The following OSBPL6 variants were observed in gnomAD, a reference collection of about 807,000 sequenced individuals.
OSBPL6 encodes oxysterol binding protein like 6.
Under a neutral mutation model 125.8 loss-of-function variants are expected in OSBPL6, and 49 were observed. The ratio of observed to expected loss-of-function variants is 0.39; its 90% CI spans 0.31 to 0.49. The LOEUF (loss-of-function observed/expected upper bound fraction) is 0.49, where lower values mean the gene tolerates loss of function less well. OSBPL6 is among the 20% of genes least tolerant of loss of function. The pLI is 0.88. For synonymous variants in OSBPL6, 394 were observed against 391.8 expected, an observed-to-expected ratio of 1.01 and a Z score of -0.07; for missense variants, 986 against 1,135.4, an observed-to-expected ratio of 0.87 and a Z score of 1.89.
chr2:178,377,151 G>A (rs996187308), intron 15 of OSBPL6, among the ~76,000 whole-genome samples: 3 of 152,306 alleles, frequency 2.0e-5, no homozygotes, highest in Admixed American at 1.3e-4. Context: ...AAGGAAACAG[G>A]TTTCATTGGC....
intron 13 of OSBPL6, 76 bp from the exon 14 acceptor site, chr2:178,372,050 T>A: frequency 9.1e-7 from 1 of 1,100,620 alleles, no homozygotes; most frequent in Non-Finnish European, 1.4e-6. Context: ...ATTGTCTAAC[T>A]TGTACCTGTG....
intron 13 of OSBPL6, among the ~76,000 whole-genome samples, chr2:178,362,532 A>G (rs1173162244): frequency 1.3e-5 from 2 of 152,164 alleles, no homozygotes; most frequent in Non-Finnish European, 2.9e-5. Context: ...TAAGAATTCA[A>G]TGTCGTTATG....
Position 178,396,799 on chromosome 2 carries a change from C to G in OSBPL6, c.*1240C>G, listed in dbSNP as rs1695871107. 1 of 152,182 alleles carries G rather than the reference C, an allele frequency of 6.6e-6. No homozygotes were observed. The highest frequency in any genetic ancestry group is 2.1e-4 in the South Asian group (1 of 4,828). The allele number at this position is 152,182 out of a possible 1,614,324, so 9.4% of individuals were successfully genotyped here. ...GCTAAGGAATGTATCCATCCCAAAG[C>G]AGGAAAGCAGAAGTGTGTTTTGCAT... On this transcript the variant is annotated 3_prime_UTR_variant, in exon 25 of 25. Coordinates refer to ENST00000190611, the MANE Select transcript of OSBPL6 (RefSeq NM_032523.4).
intron 7 of OSBPL6, 45 bp from the exon 8 acceptor site, chr2:178,332,826 G>T (rs1689333053): frequency 6.2e-7 from 1 of 1,608,156 alleles, no homozygotes; most frequent in South Asian, 1.1e-5. Context: ...TGGTAGGCAG[G>T]AGAGTTATTT....
chr2:178,395,091 A>G (rs1695735553), intron 24 of OSBPL6, among the ~76,000 whole-genome samples: 1 of 152,212 alleles, frequency 6.6e-6, no homozygotes, highest in Middle Eastern at 3.4e-3. Context: ...AGCTACTGAT[A>G]TTGCATACTT....
In OSBPL6 at chr2:178,339,747, A is replaced by G; in HGVS notation, c.970A>G (p.Thr324Ala). 6.2e-7 allele frequency: 1 copy of G among 1,603,516 alleles called. No homozygotes were observed. The highest frequency in any genetic ancestry group is 8.5e-7 in the Non-Finnish European group (1 of 1,175,538). Reference protein sequence around the residue: ...RWRTKSVSKDTKIQLQVPFSA... With the variant: ...RWRTKSVSKDAKIQLQVPFSA... ...GAGAACAAAAAGTGTCAGCAAAGAT[A>G]CAAAAATACAACTGCAGGTACAGAT... The change falls in exon 11 of 25, where the codon ACA becomes GCA. Residue 324 changes from threonine (T) to alanine (A), a missense_variant. Physicochemically the swap from Thr to Ala is moderately conservative, Grantham distance 58. Transcript: ENST00000190611.
At chr2:178,296,405 C>T (rs546173921) in intron 2 of OSBPL6, among the ~76,000 whole-genome samples, 9 of 152,014 alleles carry the variant, frequency 5.9e-5, no homozygotes, top group Non-Finnish European at 1.0e-4. Flanking sequence ...TAGGAAATGG[C>T]GGTGTTGGGA....
At chr2:178,197,975 G>A (rs1161942654) in intron 1 of OSBPL6, among the ~76,000 whole-genome samples, 1 of 152,234 alleles carries the variant, frequency 6.6e-6, no homozygotes, top group Non-Finnish European at 1.5e-5. Context: ...GGTTGAGCAG[G>A]AAGTGGTCAT....
rs1432463427 is a variant in OSBPL6, at chr2:178,398,872, G to A, written c.*3313G>A. ...TTAGGGAGGAAAACCTGATTAAACT[G>A]TTTTGCTTAGTACTGGTTACAGCTG... On this transcript the variant is annotated 3_prime_UTR_variant, in exon 25 of 25. Coordinates refer to ENST00000190611, the MANE Select transcript of OSBPL6 (RefSeq NM_032523.4). The A allele has an allele frequency of 1.3e-5, 2 of 152,112 alleles. No homozygotes were observed. The highest frequency in any genetic ancestry group is 2.9e-5 in the Non-Finnish European group (2 of 68,028). The allele number at this position is 152,112 out of a possible 1,614,324, so 9.4% of individuals were successfully genotyped here. A position where few individuals can be genotyped will look rare whatever the true frequency, so the allele number is the denominator to read the frequency against.
rs533143881 is a variant in OSBPL6, at chr2:178,286,339, C to T, written c.-156+1218C>T. ...CAGATTATGGCACCTGCCTGGGACA[C>T]GTAGGCTTTTGAGTTCAAGAGTCCT... On this transcript the variant is annotated intron_variant, in intron 2 of 24. Coordinates refer to ENST00000190611, the MANE Select transcript of OSBPL6 (RefSeq NM_032523.4). Among the ~76,000 whole-genome samples, 79 of 152,316 alleles carry T rather than the reference C, an allele frequency of 5.2e-4. No individual in the cohort carries two copies. The South Asian group carries it at 0.013, about 26-fold the overall frequency.
At chr2:178,330,358 A>G (rs1291086586) in intron 5 of OSBPL6, among the ~76,000 whole-genome samples, 1 of 152,250 alleles carries the variant, frequency 6.6e-6, no homozygotes, top group Non-Finnish European at 1.5e-5. Flanking sequence ...ACATTTTGCT[A>G]CATAAATAAC....
chr2:178,251,129 C>T (rs2091678274), intron 1 of OSBPL6, among the ~76,000 whole-genome samples: 1 of 152,044 alleles, frequency 6.6e-6, no homozygotes, highest in Non-Finnish European at 1.5e-5. Flanking sequence ...TTTAGCCTAA[C>T]AAGGGAGTGT....
chr2:178,233,456 C>G (rs1380184155), intron 1 of OSBPL6, among the ~76,000 whole-genome samples: 3 of 152,166 alleles, frequency 2.0e-5, no homozygotes, highest in Non-Finnish European at 4.4e-5. Context: ...AGTAGGACCC[C>G]TTCATTTCTG....
At chr2:178,210,845 CACA>C (rs2089824210) in intron 1 of OSBPL6, among the ~76,000 whole-genome samples, 1 of 150,644 alleles carries the variant, frequency 6.6e-6, no homozygotes, top group Admixed American at 6.6e-5. Context: ...CACACACACA[CACA>C]CCCCTCTCTG....
upstream of OSBPL6, among the ~76,000 whole-genome samples, chr2:178,193,939 CG>C (rs1354074195): frequency 6.6e-6 from 1 of 152,178 alleles, no homozygotes; most frequent in East Asian, 1.9e-4. Context: ...CGCACAGTCG[CG>C]TAAGTGTATG....
At chr2:178,385,920 A>T (rs1694896347) in intron 19 of OSBPL6, among the ~76,000 whole-genome samples, 1 of 152,238 alleles carries the variant, frequency 6.6e-6, no homozygotes. Context: ...AATGGTCATA[A>T]TCTAAATAGA....
intron 3 of OSBPL6, among the ~76,000 whole-genome samples, chr2:178,308,564 T>A (rs905839859): frequency 2.6e-5 from 4 of 152,182 alleles, no homozygotes; most frequent in African/African-American, 9.7e-5. Context: ...CTTCTCAAGT[T>A]CTAATCGTAG....
chr2:178,346,870 C>CA (rs896828305), intron 11 of OSBPL6, among the ~76,000 whole-genome samples: 9 of 151,528 alleles, frequency 5.9e-5, no homozygotes, highest in East Asian at 1.9e-4. Context: ...CCTCTTTTAA[C>CA]AAAAAAAAGT....
chr2:178,389,067 G>A lies in OSBPL6; in HGVS notation c.2215G>A (p.Gly739Arg). The change falls in exon 21 of 25, where the codon GGG becomes AGG. Residue 739 changes from glycine to arginine, a missense_variant. By Grantham distance (125) the Gly-to-Arg change is moderately radical. Around this residue, in one of 3 missense-constraint regions of OSBPL6, gnomAD observed 843 missense variants for 997.3 expected, o/e 0.85. Transcript: ENST00000190611. ...VTTCIHNILS[G>R]RRWIEHYGEV... is the part of the protein sequence containing the mutation. ...CACTTGCATACACAACATCCTCAGT[G>A]GGAGAAGATGGATAGAACATTATGG... 1 of 1,613,888 alleles carries A rather than the reference G, an allele frequency of 6.2e-7. No individual in the cohort carries two copies. Among genetic ancestry groups the A allele is most frequent in the Non-Finnish European group, 8.5e-7 (1 of 1,179,858 alleles).
Sources: allele counts gnomAD v4.1 joint callset (sites outside exome capture counted in the v4.1 genomes callset), GRCh38; gene constraint gnomAD v4.1.1; regional missense constraint gnomAD v4.1.1; transcripts MANE v1.5; gene names NCBI Gene and HGNC (gene_info 2026-07-23, HGNC 2026-07-21).